Variants in SOS2 observed in about 807,000 individuals in gnomAD.
The protein encoded by SOS2 is son of sevenless homolog 2.
SOS2 carries 65 observed loss-of-function variants against 148.2 expected under a neutral mutation model. The observed-to-expected ratio is 0.44, with a 90% CI of 0.36 to 0.54. SOS2 has a LOEUF of 0.54. Among genes scored for constraint, SOS2 ranks in the 20% least tolerant of loss-of-function variants. The pLI, the probability that SOS2 is intolerant of heterozygous loss-of-function variation, is 0.00. For synonymous variants in SOS2, 539 were observed against 537.1 expected (o/e 1.00, Z -0.05); for missense variants, 1,341 against 1,590.2 (o/e 0.84, Z 2.67).
chr14:50,184,356 T>C (rs1361468554), intron 5 of SOS2, among the ~76,000 whole-genome samples: 2 of 152,294 alleles, frequency 1.3e-5, no homozygotes. Context: ...TGGTATAATA[T>C]GAAACATATT....
intron 4 of SOS2, among the ~76,000 whole-genome samples, chr14:50,196,937 G>A (rs894080315): frequency 1.3e-5 from 2 of 152,016 alleles, no homozygotes; most frequent in African/African-American, 2.4e-5. Context: ...GCGTGATCTC[G>A]ATTCCATGTA....
In SOS2 at chr14:50,188,668, T is replaced by C; in HGVS notation, c.543A>G (p.Ile181Met). The change falls in exon 5 of 23, where the codon ATA becomes ATG. Residue 181 changes from isoleucine to methionine, a missense_variant. Ile to Met is a conservative substitution (Grantham distance 10, BLOSUM62 1). This residue lies in a region of SOS2 where 574 missense variants were observed against 711.1 expected (regional missense o/e 0.81). Transcript: ENST00000216373. ...CATCTTCACAGAGAGAAACCAAACC[T>C]ATGTCATCCTGATCAAACATGTCCA... ...VLMDMFDQDD[I>M]GLVSLCEDEP... The C allele has an allele frequency of 6.2e-7, 1 of 1,606,702 alleles. No individual in the cohort carries two copies. Among genetic ancestry groups the C allele is most frequent in the African/African-American group, 1.3e-5 (1 of 74,588 alleles).
At chr14:50,212,942 C>A (rs1177876761) in intron 1 of SOS2, among the ~76,000 whole-genome samples, 1 of 152,182 alleles carries the variant, frequency 6.6e-6, no homozygotes, top group African/African-American at 2.4e-5. Context: ...ATATCAAACG[C>A]CATGCTAACG....
intron 7 of SOS2, among the ~76,000 whole-genome samples, chr14:50,178,711 T>TATATAC (rs1237281191): frequency 4.2e-4 from 51 of 120,394 alleles, no homozygotes; most frequent in South Asian, 1.1e-3. Flanking sequence ...TATATATATA[T>TATATAC]ACACACATAT....
chr14:50,130,920 G>A (rs1398986164), intron 19 of SOS2, among the ~76,000 whole-genome samples, 158 bp from the exon 20 acceptor site: 1 of 152,054 alleles, frequency 6.6e-6, no homozygotes, highest in East Asian at 1.9e-4. Flanking sequence ...CATTCTAGTA[G>A]AATCTTCTGG....
In SOS2 at chr14:50,227,627, G is replaced by A. The variant is rs574520121; in HGVS notation, c.87+3570C>T. Among the ~76,000 whole-genome samples, 13 of 152,150 alleles carry A rather than the reference G, an allele frequency of 8.5e-5. No homozygotes were observed. In the South Asian group the frequency reaches 1.5e-3, roughly 17 times the overall value. On this transcript the variant is annotated intron_variant, in intron 1 of 22. Transcript: ENST00000216373. Reference sequence around the variant, plus strand: ...TTTTTAGTAGAGATGGGGTTTCACCGTGTTAGCCAGCATGGTCTCGATCTC... The same window carrying A: ...TTTTTAGTAGAGATGGGGTTTCACCATGTTAGCCAGCATGGTCTCGATCTC...
intron 1 of SOS2, among the ~76,000 whole-genome samples, chr14:50,227,569 A>G (rs1241757333): frequency 1.3e-5 from 2 of 151,878 alleles, no homozygotes. Flanking sequence ...GTCCGCCACC[A>G]CGCCCGGCTA....
At chr14:50,215,518 T>C (rs2139834900) in intron 1 of SOS2, 2 of 1,210,564 alleles carry the variant, frequency 1.7e-6, no homozygotes, top group Non-Finnish European at 2.1e-6. Context: ...AAAAGAGCAA[T>C]TAAAATAATT....
chr14:50,120,270 A>C lies in SOS2; in HGVS notation c.3489+5T>G, dbSNP rs200420279. ...AATAAGTTGGAGTAAAGTCCTGTTG[A>C]TTACCTTGGAATTTGAAGCATCATG... On this transcript the variant is annotated splice_donor_5th_base_variant and intron_variant, in intron 22 of 22. Coordinates refer to ENST00000216373, the MANE Select transcript of SOS2 (RefSeq NM_006939.4). 2.9e-6 allele frequency: 4 copies of C among 1,397,410 alleles called. No homozygotes were observed. Among genetic ancestry groups the C allele is most frequent in the Non-Finnish European group, 4.1e-6 (4 of 987,002 alleles). 86.6% of individuals were successfully genotyped at this position (1,397,410 alleles called of 1,614,324 possible).
intron 6 of SOS2, 37 bp downstream of exon 6, chr14:50,182,426 G>A (rs1489576189): frequency 6.3e-7 from 1 of 1,591,224 alleles, no homozygotes; most frequent in Non-Finnish European, 8.6e-7. Flanking sequence ...CAGCATTTAG[G>A]GCTTTAATGA....
At position 50,231,332 on chromosome 14, in the gene SOS2, C is replaced by T. The variant is rs1192337120; in HGVS notation, c.-49G>A. On this transcript the variant is annotated 5_prime_UTR_variant, in exon 1 of 23. Coordinates refer to ENST00000216373, the MANE Select transcript of SOS2 (RefSeq NM_006939.4). Reference sequence around the variant, plus strand: ...ATCGGGGGCAGCCCGCGGGCCGGGCCGGTGGCCTGACAGGCAGGGCGCGGG... The same window carrying T: ...ATCGGGGGCAGCCCGCGGGCCGGGCTGGTGGCCTGACAGGCAGGGCGCGGG... 5 of 1,066,520 alleles carry T rather than the reference C, an allele frequency of 4.7e-6. No individual in the cohort carries two copies. In the Admixed American group the frequency reaches 1.0e-4, roughly 22 times the overall value. The allele number at this position is 1,066,520 out of a possible 1,614,324, so 66.1% of individuals were successfully genotyped here.
Position 50,161,614 on chromosome 14 carries a change from GA to G in SOS2, c.1069-6del. ...TTCACTACATGCTTTCAATTGCTAA[GA>G]AAAAACAGAAAGAAAAATCAAAACT... On this transcript the variant is annotated splice_region_variant and splice_polypyrimidine_tract_variant and intron_variant, in intron 8 of 22. Coordinates refer to ENST00000216373, the MANE Select transcript of SOS2 (RefSeq NM_006939.4). 6.2e-7 allele frequency: 1 copy of G among 1,604,948 alleles called. No homozygotes were observed. Among genetic ancestry groups the G allele is most frequent in the Non-Finnish European group, 8.5e-7 (1 of 1,176,850 alleles).
intron 1 of SOS2, among the ~76,000 whole-genome samples, chr14:50,211,046 T>TAC (rs1427061931): frequency 0.013 from 2,034 of 151,576 alleles, 42 homozygotes; most frequent in African/African-American, 0.045. Context: ...TATATATATA[T>TAC]ATTCAGGATA....
intron 5 of SOS2, among the ~76,000 whole-genome samples, chr14:50,185,904 G>A (rs1002270698): frequency 1.3e-5 from 2 of 152,052 alleles, no homozygotes; most frequent in African/African-American, 4.8e-5. Context: ...TTTTACAAAT[G>A]AGGAAACAGA....
chr14:50,224,334 CACACA>C (rs1887297183), intron 1 of SOS2, among the ~76,000 whole-genome samples: 1 of 144,320 alleles, frequency 6.9e-6, no homozygotes, highest in African/African-American at 2.6e-5. Context: ...CACACACACA[CACACA>C]CACACACACA....
Position 50,220,604 on chromosome 14 carries a change from A to C in SOS2, c.87+10593T>G, listed in dbSNP as rs140103068. On this transcript the variant is annotated intron_variant, in intron 1 of 22. Transcript: ENST00000216373. Reference sequence around the variant, plus strand: ...GACCTGGTTCTCATACAACATTATAAATGAAGGAATTCCCTCTCTTACGTT... The same window carrying C: ...GACCTGGTTCTCATACAACATTATACATGAAGGAATTCCCTCTCTTACGTT... 3.0e-3 allele frequency among the ~76,000 whole-genome samples: 461 copies of C among 152,110 alleles called. 2 individuals are homozygous for C. The highest frequency in any genetic ancestry group is 0.01 in the African/African-American group (424 of 41,490).
At chr14:50,224,310 T>TACAC (rs1301626711) in intron 1 of SOS2, among the ~76,000 whole-genome samples, 35 of 61,990 alleles carry the variant, frequency 5.6e-4, no homozygotes, top group South Asian at 3.9e-3. Context: ...AAAAAATATA[T>TACAC]ATATACACAC....
At chr14:50,161,108 C>T (rs535474403) in intron 9 of SOS2, among the ~76,000 whole-genome samples, 45 of 152,104 alleles carry the variant, frequency 3.0e-4, no homozygotes, top group South Asian at 2.7e-3. Context: ...GTCTGGCCGA[C>T]GCGGTAAAAC....
intron 21 of SOS2, among the ~76,000 whole-genome samples, chr14:50,126,325 A>G (rs1387726474): frequency 6.6e-6 from 1 of 152,136 alleles, no homozygotes; most frequent in Admixed American, 6.5e-5. Context: ...AGAGATATAC[A>G]TTATTATTAA....
Sources: allele counts gnomAD v4.1 joint callset (sites outside exome capture counted in the v4.1 genomes callset), GRCh38; gene constraint gnomAD v4.1.1; regional missense constraint gnomAD v4.1.1; transcripts MANE v1.5; gene names NCBI Gene and HGNC (gene_info 2026-07-23, HGNC 2026-07-21).